The following TAF15 variants were observed in gnomAD, a reference collection of about 807,000 sequenced individuals.
TAF15 encodes TATA-binding protein-associated factor 2N.
In TAF15, 37 loss-of-function variants were observed where a neutral mutation model predicts 102.5. The observed-to-expected ratio is 0.36, with a 90% CI of 0.28 to 0.47. TAF15 has a LOEUF of 0.47. Among genes scored for constraint, TAF15 ranks in the 20% least tolerant of loss-of-function variants. The probability of loss-of-function intolerance (pLI) is 0.99; values close to 1 mark genes in which losing one functional copy is unlikely to be tolerated. For synonymous variants in TAF15, 273 were observed against 259.2 expected (o/e 1.05, Z -0.51); for missense variants, 652 against 760.7 (o/e 0.86, Z 1.68).
chr17:35,823,397 T>C (rs1263675966), intron 6 of TAF15, among the ~76,000 whole-genome samples: 1 of 152,066 alleles, frequency 6.6e-6, no homozygotes, highest in Non-Finnish European at 1.5e-5. Context: ...GTGAAGAAAG[T>C]GGTAACTTTT....
chr17:35,846,856 C>G (rs2087629052), intron 15 of TAF15, 50 bp from the exon 16 acceptor site: 2 of 1,606,688 alleles, frequency 1.2e-6, no homozygotes, highest in African/African-American at 1.3e-5. Flanking sequence ...TAATGCTCCC[C>G]CTTCGTAGAA....
chr17:35,836,036 A>G (rs894998073), intron 9 of TAF15, 96 bp from the exon 10 acceptor site: 4 of 859,660 alleles, frequency 4.7e-6, no homozygotes, highest in East Asian at 2.6e-5. Context: ...CATAGAAACA[A>G]TTGAATATTG....
chr17:35,846,812 C>T lies in TAF15; in HGVS notation c.1740-94C>T, dbSNP rs1227325480. On this transcript the variant is annotated intron_variant, in intron 15 of 15. Transcript: ENST00000605844. ...GTGTCATTCTTTAGAAATTGTCTAGCTGATGCCAATCACTAGTACCCTGAA... is the reference window on the plus strand; with the variant it reads ...GTGTCATTCTTTAGAAATTGTCTAGTTGATGCCAATCACTAGTACCCTGAA... 2.3e-6 allele frequency: 3 copies of T among 1,299,888 alleles called. No individual in the cohort carries two copies. The Admixed American group carries it at 5.1e-5, about 22-fold the overall frequency. The allele number at this position is 1,299,888 out of a possible 1,614,324, so 80.5% of individuals were successfully genotyped here.
chr17:35,829,382 C>T (rs1164314633), intron 7 of TAF15, among the ~76,000 whole-genome samples: 1 of 150,236 alleles, frequency 6.7e-6, no homozygotes, highest in Admixed American at 6.6e-5. Flanking sequence ...CCTGTGATCC[C>T]AGCACTTTGG....
Position 35,842,376 on chromosome 17 carries a change from T to G in TAF15, c.923T>G (p.Phe308Cys), listed in dbSNP as rs1023328946. 1 of 1,613,764 alleles carries G rather than the reference T, an allele frequency of 6.2e-7. No individual in the cohort carries two copies. The highest frequency in any genetic ancestry group is 1.3e-5 in the African/African-American group (1 of 75,020). ...AAIDWFDGKE[F>C]HGNIIKVSFA... is the part of the protein sequence containing the mutation. Reference sequence around the variant, plus strand: ...ATTTCTTTTTTCTTAGGAAAAGAATTCCATGGCAACATCATTAAAGTGTCC... The same window carrying G: ...ATTTCTTTTTTCTTAGGAAAAGAATGCCATGGCAACATCATTAAAGTGTCC... Residue 308 changes from phenylalanine to cysteine, a missense_variant, in exon 12 of 16, where the codon TTC becomes TGC. Physicochemically the swap from Phe to Cys is radical, Grantham distance 205 (BLOSUM62 -2). Transcript: ENST00000605844.
Position 35,822,730 on chromosome 17 carries a change from C to G in TAF15, c.381C>G (p.Gly127=). Residue 127 remains glycine, a synonymous_variant, in exon 6 of 16, where the codon GGC becomes GGG. Coordinates refer to ENST00000605844, the MANE Select transcript of TAF15 (RefSeq NM_139215.3). ...AGTCAGGCTATGATCAACATCAAGG[C>G]TCATATGATGAGCAGTCAAATTATG... is the stretch of plus-strand genomic sequence containing the variant. ...DQQSGYDQHQ[G]SYDEQSNYDQ... 5 of 1,614,170 alleles carry G rather than the reference C, an allele frequency of 3.1e-6. No individual in the cohort carries two copies. Among genetic ancestry groups the G allele is most frequent in the Non-Finnish European group, 4.2e-6 (5 of 1,180,034 alleles).
rs751663337 is a variant in TAF15 at position 35,822,793 on chromosome 17, C to T, written c.444C>T (p.Ser148=). The part of the protein sequence containing the change: ...QHDSYSQNQQ[S]YHSQRENYSH... ...ATTCCTATAGTCAAAACCAGCAGTC[C>T]TATCATTCACAAAGGGAAAACTACA... Residue 148 remains serine (S), a synonymous_variant, in exon 6 of 16, where the codon TCC becomes TCT. Transcript: ENST00000605844. The T allele has an allele frequency of 6.2e-7, 1 of 1,614,112 alleles. No individual in the cohort carries two copies.
In TAF15 at chr17:35,842,470, T is replaced by TG. The variant is rs2087559768; in HGVS notation, c.1006+12dup. 6.2e-7 allele frequency: 1 copy of TG among 1,601,292 alleles called. No homozygotes were observed. The highest frequency in any genetic ancestry group is 8.6e-7 in the Non-Finnish European group (1 of 1,168,626). Reference sequence around the variant, plus strand: ...GAGGTGGGCGGCGAGGTAAGATCCTTGCTGCGTACAGTCCTGGATACTATC... The same window carrying TG: ...GAGGTGGGCGGCGAGGTAAGATCCTTGGCTGCGTACAGTCCTGGATACTATC... On this transcript the variant is annotated intron_variant, in intron 12 of 15. Transcript: ENST00000605844.
intron 9 of TAF15, among the ~76,000 whole-genome samples, 179 bp downstream of exon 9, chr17:35,834,777 C>T (rs1199251474): frequency 9.6e-6 from 1 of 103,644 alleles, no homozygotes; most frequent in Admixed American, 1.1e-4. Context: ...TGGAGTTTCG[C>T]TCTTGTTGCC....
In TAF15 at chr17:35,847,120, T is replaced by TC. The variant is rs2087633151; in HGVS notation, c.*180dup. On this transcript the variant is annotated 3_prime_UTR_variant, in exon 16 of 16. Coordinates refer to ENST00000605844, the MANE Select transcript of TAF15 (RefSeq NM_139215.3). ...TCTTCTAGAAATGTCTGTTGAGATT[T>TC]CCCCCTTTAGTTTCCAACCTTCTCC... is the stretch of plus-strand genomic sequence containing the variant. The TC allele has an allele frequency of 1.4e-6, 1 of 720,508 alleles. No individual in the cohort carries two copies. The allele number at this position is 720,508 out of a possible 1,614,324, so 44.6% of individuals were successfully genotyped here. A position where few individuals can be genotyped will look rare whatever the true frequency, so the allele number is the denominator to read the frequency against.
At chr17:35,833,551 GA>G (rs1364623463) in intron 7 of TAF15, 1 of 185,142 alleles carries the variant, frequency 5.4e-6, no homozygotes, top group African/African-American at 2.4e-5. Flanking sequence ...CTCATATTTA[GA>G]AAATAACCGT....
intron 1 of TAF15, among the ~76,000 whole-genome samples, chr17:35,816,334 A>G (rs542457455): frequency 1.4e-4 from 22 of 152,276 alleles, no homozygotes; most frequent in African/African-American, 5.1e-4. Context: ...CTGAGCCCCT[A>G]TCTCTAAAAA....
Position 35,844,086 on chromosome 17 carries a change from G to C in TAF15, c.1016G>C (p.Gly339Ala). ...GSGGGRRGRG[G>A]YRGRGGFQGR... is the part of the protein sequence containing the mutation. ...GGCCCCATCCCCCTAGGCCGTGGAG[G>C]ATATAGAGGTCGTGGAGGCTTTCAA... The change falls in exon 13 of 16, where the codon GGA becomes GCA. Residue 339 changes from glycine to alanine, a missense_variant. Coordinates refer to ENST00000605844, the MANE Select transcript of TAF15 (RefSeq NM_139215.3). The C allele has an allele frequency of 6.2e-7, 1 of 1,614,176 alleles. No homozygotes were observed. Among genetic ancestry groups the C allele is most frequent in the Non-Finnish European group, 8.5e-7 (1 of 1,180,016 alleles).
At chr17:35,816,815 C>CCTTT (rs2087200944) in intron 1 of TAF15, 24 of 57,420 alleles carry the variant, frequency 4.2e-4, no homozygotes, top group South Asian at 8.7e-4. Context: ...CCCACCCCCA[C>CCTTT]TTTTTTTTTT....
chr17:35,817,789 G>T (rs1349612466), intron 2 of TAF15, 34 bp downstream of exon 2: 1 of 1,597,378 alleles, frequency 6.3e-7, no homozygotes, highest in Non-Finnish European at 8.6e-7. Flanking sequence ...AATATGAAAG[G>T]GTAGAACTGA....
chr17:35,836,083 G>A (rs1197102757), intron 9 of TAF15, 49 bp from the exon 10 acceptor site: 2 of 1,280,300 alleles, frequency 1.6e-6, no homozygotes, highest in Non-Finnish European at 2.3e-6. Flanking sequence ...TGAACAGAAT[G>A]TCATAACCAA....
At chr17:35,838,318 T>C in intron 10 of TAF15, 106 bp from the exon 11 acceptor site, 1 of 1,446,970 alleles carries the variant, frequency 6.9e-7, no homozygotes, top group South Asian at 1.2e-5. Flanking sequence ...TTTTATAGTA[T>C]GAATGTGTGA....
rs564515796 is a variant in TAF15, at chr17:35,824,003, G to C, written c.485-75G>C. On this transcript the variant is annotated intron_variant, in intron 6 of 15. Transcript: ENST00000605844. ...TCTATAAGGATATGTGTGGCCTAAA[G>C]AGCCATTTAACATTGTTATTTGAAG... 129 of 1,594,090 alleles carry C rather than the reference G, an allele frequency of 8.1e-5. 2 individuals carry two copies. The South Asian group carries it at 1.3e-3, about 17-fold the overall frequency.
chr17:35,813,504 T>A (rs969439892), intron 1 of TAF15, among the ~76,000 whole-genome samples: 2 of 151,864 alleles, frequency 1.3e-5, no homozygotes, highest in African/African-American at 4.8e-5. Context: ...AATGTGGCGG[T>A]ATGCATGTGT....
Sources: gnomAD v4.1 joint callset for allele counts (sites outside exome capture counted in the v4.1 genomes callset) on GRCh38, gnomAD v4.1.1 for gene constraint, MANE v1.5 for transcripts, NCBI Gene and HGNC (gene_info 2026-07-23, HGNC 2026-07-21) for gene names.